CCDC178: variants seen among roughly 807,000 people sequenced by gnomAD.
CCDC178 encodes the protein coiled-coil domain-containing protein 178.
Under a neutral mutation model 117.4 loss-of-function variants are expected in CCDC178, and 126 were observed. The ratio of observed to expected loss-of-function variants is 1.07; its 90% CI spans 0.93 to 1.24. CCDC178 has a LOEUF of 1.24. Ranked by LOEUF, CCDC178 falls within the 50% of genes most tolerant of loss-of-function variation. The pLI, the probability that CCDC178 is intolerant of heterozygous loss-of-function variation, is 0.00. For missense variants in CCDC178, 1,030 were observed against 986.9 expected, an observed-to-expected ratio of 1.04 and a Z score of -0.59; for synonymous variants, 283 against 313.4, an observed-to-expected ratio of 0.90 and a Z score of 1.02.
chr18:32,974,842 C>T (rs1166511973), intron 21 of CCDC178, among the ~76,000 whole-genome samples, 161 bp from the exon 22 acceptor site: 1 of 152,148 alleles, frequency 6.6e-6, no homozygotes, highest in Non-Finnish European at 1.5e-5. Context: ...GATTTTTCAG[C>T]CCACTCATGT....
At chr18:33,320,344 C>A (rs1436479964) in intron 11 of CCDC178, among the ~76,000 whole-genome samples, 1 of 152,098 alleles carries the variant, frequency 6.6e-6, no homozygotes, top group Non-Finnish European at 1.5e-5. Context: ...TTAGAAAACC[C>A]CATCGTTTCA....
chr18:33,437,340 T>C (rs1485364005), intron 2 of CCDC178, among the ~76,000 whole-genome samples: 1 of 152,232 alleles, frequency 6.6e-6, no homozygotes, highest in Non-Finnish European at 1.5e-5. Flanking sequence ...TTCAAATAAC[T>C]AATTTCCATG....
chr18:33,126,752 G>A (rs563256624), intron 20 of CCDC178, among the ~76,000 whole-genome samples: 3 of 151,950 alleles, frequency 2.0e-5, no homozygotes, highest in African/African-American at 7.2e-5. Flanking sequence ...TCTGCCTCCT[G>A]GGTTTAAGTG....
chr18:33,150,407 G>C (rs141238151), intron 20 of CCDC178, among the ~76,000 whole-genome samples: 100 of 152,230 alleles, frequency 6.6e-4, no homozygotes, highest in Middle Eastern at 3.4e-3. Context: ...AAACTAAAAA[G>C]CTTCTGCACA....
intron 21 of CCDC178, among the ~76,000 whole-genome samples, chr18:32,979,388 AC>A (rs2055098321): frequency 6.6e-6 from 1 of 151,878 alleles, no homozygotes; most frequent in South Asian, 2.1e-4. Context: ...TGAACTCCTA[AC>A]CTCAGGTGAT....
At chr18:33,395,889 A>G (rs2063627716) in intron 4 of CCDC178, among the ~76,000 whole-genome samples, 1 of 152,160 alleles carries the variant, frequency 6.6e-6, no homozygotes, top group Non-Finnish European at 1.5e-5. Flanking sequence ...AATGCTTAGA[A>G]GATGAATTGG....
chr18:33,202,130 C>G (rs1311590412), intron 20 of CCDC178, among the ~76,000 whole-genome samples: 1 of 151,982 alleles, frequency 6.6e-6, no homozygotes, highest in South Asian at 2.1e-4. Flanking sequence ...CGCGGTGGTT[C>G]ACGCCTGTAA....
intron 5 of CCDC178, among the ~76,000 whole-genome samples, chr18:33,387,448 T>C (rs560692415): frequency 6.6e-6 from 1 of 152,316 alleles, no homozygotes; most frequent in Non-Finnish European, 1.5e-5. Flanking sequence ...TCATGCTACC[T>C]GATTTCAAAC....
intron 3 of CCDC178, among the ~76,000 whole-genome samples, chr18:33,404,957 A>T (rs754118531): frequency 1.4e-4 from 22 of 152,074 alleles, no homozygotes; most frequent in Non-Finnish European, 2.2e-4. Flanking sequence ...GAGGCTGGGT[A>T]GAGGAGGAAT....
intron 12 of CCDC178, among the ~76,000 whole-genome samples, chr18:33,291,749 G>A (rs930136748): frequency 6.6e-6 from 1 of 152,060 alleles, no homozygotes; most frequent in Non-Finnish European, 1.5e-5. Context: ...GAGATGAAGA[G>A]AACAAACAGC....
chr18:33,299,430 A>G (rs2062147519), intron 11 of CCDC178, among the ~76,000 whole-genome samples: 1 of 151,836 alleles, frequency 6.6e-6, no homozygotes, highest in African/African-American at 2.4e-5. Context: ...CTCATCTCTT[A>G]CCCTATACAC....
intron 21 of CCDC178, among the ~76,000 whole-genome samples, chr18:33,057,320 G>A (rs1454044995): frequency 3.9e-5 from 6 of 152,132 alleles, no homozygotes; most frequent in African/African-American, 1.4e-4. Flanking sequence ...TTCAAAGGGT[G>A]GTTATAAATA....
At chr18:33,170,299 A>G (rs1251836646) in intron 20 of CCDC178, among the ~76,000 whole-genome samples, 5 of 152,192 alleles carry the variant, frequency 3.3e-5, no homozygotes, top group African/African-American at 1.2e-4. Flanking sequence ...TGTGAAATCT[A>G]TAAGCATAAA....
intron 11 of CCDC178, among the ~76,000 whole-genome samples, chr18:33,306,390 C>T (rs1321995883): frequency 6.9e-6 from 1 of 144,318 alleles, no homozygotes; most frequent in Admixed American, 7.1e-5. Context: ...GCCAAAAGTC[C>T]AAGGTAACAG....
intron 20 of CCDC178, among the ~76,000 whole-genome samples, chr18:33,196,796 T>C (rs185032917): frequency 6.6e-6 from 1 of 152,124 alleles, no homozygotes; most frequent in Non-Finnish European, 1.5e-5. Context: ...GAGGTAATAG[T>C]TATGGTGTTG....
chr18:33,320,027 T>C (rs1298710738), intron 11 of CCDC178, among the ~76,000 whole-genome samples: 2 of 152,176 alleles, frequency 1.3e-5, no homozygotes, highest in Admixed American at 6.5e-5. Flanking sequence ...AAAAGGCCTT[T>C]GACAAAATTC....
intron 20 of CCDC178, among the ~76,000 whole-genome samples, chr18:33,169,933 T>C (rs1011788264): frequency 1.3e-5 from 2 of 152,122 alleles, no homozygotes; most frequent in African/African-American, 2.4e-5. Flanking sequence ...AAGCAAGACC[T>C]TCCTCAGTTT....
At chr18:33,244,697 G>C (rs554455110) in intron 15 of CCDC178, among the ~76,000 whole-genome samples, 28 of 152,016 alleles carry the variant, frequency 1.8e-4, no homozygotes, top group African/African-American at 6.0e-4. Context: ...ATAGCAGCGT[G>C]AGAATGGACT....
intron 6 of CCDC178, among the ~76,000 whole-genome samples, chr18:33,362,923 C>A (rs1203331557): frequency 6.8e-6 from 1 of 147,000 alleles, no homozygotes; most frequent in East Asian, 2.1e-4. Context: ...GTGAATTGCA[C>A]CTCAACTTTT....
Sources: gnomAD v4.1 joint callset for allele counts (sites outside exome capture counted in the v4.1 genomes callset) on GRCh38, gnomAD v4.1.1 for gene constraint, MANE v1.5 for transcripts, NCBI Gene and HGNC (gene_info 2026-07-23, HGNC 2026-07-21) for gene names.